WRAP53: variants seen among roughly 807,000 people sequenced by gnomAD.
The protein encoded by WRAP53 is WD repeat containing antisense to TP53, also known as telomerase Cajal body protein 1.
WRAP53 carries 28 observed loss-of-function variants against 56.6 expected under a neutral mutation model. The ratio of observed to expected loss-of-function variants is 0.50; its 90% confidence interval spans 0.37 to 0.68. WRAP53 has a LOEUF of 0.68. Among genes scored for constraint, WRAP53 ranks in the 30% least tolerant of loss-of-function variants. The probability of loss-of-function intolerance (pLI) is 0.00; values close to 1 mark genes in which losing one functional copy is unlikely to be tolerated. For missense variants in WRAP53, 671 were observed against 715.5 expected, an observed-to-expected ratio of 0.94 and a Z score of 0.71; for synonymous variants, 283 against 283.4, an observed-to-expected ratio of 1.00 and a Z score of 0.01.
Position 7,702,367 on chromosome 17 carries a change from A to T in WRAP53, c.979A>T (p.Ile327Phe). 9 of 1,614,100 alleles carry T rather than the reference A, an allele frequency of 5.6e-6. No homozygotes were observed. Among genetic ancestry groups the T allele is most frequent in the Non-Finnish European group, 7.6e-6 (9 of 1,180,026 alleles). ...AGCAAAAAAGCAGGGCCAGAGCGGC[A>T]TCATCTCCTGCATAGCCTTCAGCCC... ...TFAKKQGQSG[I>F]ISCIAFSPAQ... The change falls in exon 8 of 11, where the codon ATC (isoleucine) becomes TTC (phenylalanine). Residue 327 changes from isoleucine (I) to phenylalanine (F), a missense_variant. Transcript: ENST00000396463. This position sits in a 1 kb window ranked among gnomAD's most constrained non-coding sequence, Gnocchi z 5.0.
chr17:7,693,016 C>T (rs991881261), intron 4 of WRAP53, among the ~76,000 whole-genome samples: 1 of 151,660 alleles, frequency 6.6e-6, no homozygotes, highest in African/African-American at 2.4e-5. Flanking sequence ...GCTGGGATTA[C>T]AAGCATGAGC....
In WRAP53 at chr17:7,699,495, TATATA is replaced by T. The variant is rs1467212519; in HGVS notation, c.643-1245_643-1241del. On this transcript the variant is annotated intron_variant, in intron 4 of 10. Transcript: ENST00000396463. ...ATATATTTATATATATATATATATA[TATATA>T]TTTATATATATATATATATATTTAT... Among the ~76,000 whole-genome samples, 3 of 12,520 alleles carry T rather than the reference TATATA, an allele frequency of 2.4e-4. 1 individual carries two copies. Among genetic ancestry groups the T allele is most frequent in the Non-Finnish European group, 3.8e-4 (3 of 7,912 alleles). The allele number at this position is 12,520 out of a possible 152,430, so 8.2% of individuals were successfully genotyped here.
Position 7,689,717 on chromosome 17 carries a change from A to G in WRAP53, c.642+16A>G. ...TGCAGAAATGGTAAGGACTGGGGCT[A>G]ACTGCCTCTTCATCAATGCTGCACA... On this transcript the variant is annotated intron_variant, in intron 4 of 10. Transcript: ENST00000396463. The G allele has an allele frequency of 6.3e-7, 1 of 1,588,506 alleles. No homozygotes were observed. The highest frequency in any genetic ancestry group is 8.6e-7 in the Non-Finnish European group (1 of 1,156,936).
chr17:7,694,190 T>TAA (rs1446478803), intron 4 of WRAP53, among the ~76,000 whole-genome samples: 1 of 151,834 alleles, frequency 6.6e-6, no homozygotes. Context: ...TAAAACATTT[T>TAA]AAAAAATATA....
In WRAP53 at chr17:7,702,719, C is replaced by T. The variant is rs1283115469; in HGVS notation, c.1165-24C>T. 7.4e-6 allele frequency: 12 copies of T among 1,611,970 alleles called. No homozygotes were observed. In the Middle Eastern group the frequency reaches 1.2e-3, roughly 155 times the overall value. ...GACATCCAGGGCTTTGGGGGTGACTCCAGGTCCTGTTCCTTGTCTCCAGGA... is the reference window on the plus strand; with the variant it reads ...GACATCCAGGGCTTTGGGGGTGACTTCAGGTCCTGTTCCTTGTCTCCAGGA... On this transcript the variant is annotated intron_variant, in intron 8 of 10. Transcript: ENST00000396463. This position sits in a 1 kb window ranked among gnomAD's most constrained non-coding sequence, Gnocchi z 5.0.
chr17:7,688,507 T>C lies in WRAP53; in HGVS notation c.-56T>C. On this transcript the variant is annotated 5_prime_UTR_variant, in exon 1 of 11. Transcript: ENST00000396463. ...TTTCAAAAGAATTGGCGTCCGCTGT[T>C]CGCCTCTCCTCCCGGGAGTCTTCTG... 1.2e-6 allele frequency: 1 copy of C among 859,630 alleles called. No individual in the cohort carries two copies. The highest frequency in any genetic ancestry group is 1.8e-6 in the Non-Finnish European group (1 of 562,476). 53.3% of individuals were successfully genotyped at this position (859,630 alleles called of 1,614,324 possible). A position where few individuals can be genotyped will look rare whatever the true frequency, so the allele number is the denominator to read the frequency against.
Position 7,702,459 on chromosome 17 carries a change from C to T in WRAP53, c.1071C>T (p.Gly357=). 1 of 1,614,078 alleles carries T rather than the reference C, an allele frequency of 6.2e-7. No individual in the cohort carries two copies. Residue 357 remains glycine, a synonymous_variant, in exon 8 of 11, where the codon GGC becomes GGT. Coordinates refer to ENST00000396463, the MANE Select transcript of WRAP53 (RefSeq NM_001143992.2). The surrounding 1 kb of genome is among the most constrained non-coding windows in gnomAD (Gnocchi z 5.0). ...RSLGLYAWDD[G]SPLALLGGHQ... ...TGGGTCTGTATGCCTGGGATGATGG[C>T]TCCCCTCTCGCCTTGCTGGGAGGGC...
Position 7,688,755 on chromosome 17 carries a change from C to T in WRAP53, c.107C>T (p.Ala36Val), listed in dbSNP as rs1358040970. 2 of 1,614,024 alleles carry T rather than the reference C, an allele frequency of 1.2e-6. No homozygotes were observed. The highest frequency in any genetic ancestry group is 1.7e-6 in the Non-Finnish European group (2 of 1,180,040). The change falls in exon 2 of 11, where the codon GCG becomes GTG. Residue 36 changes from alanine (A) to valine (V), a missense_variant. Transcript: ENST00000396463. Reference protein sequence around the residue: ...SPHASPMNKNADSELMPPPPE... With the variant: ...SPHASPMNKNVDSELMPPPPE... ...CACGCTTCCCCGATGAATAAAAATGCGGACTCTGAACTGATGCCACCGCCT... is the reference window on the plus strand; with the variant it reads ...CACGCTTCCCCGATGAATAAAAATGTGGACTCTGAACTGATGCCACCGCCT...
intron 4 of WRAP53, among the ~76,000 whole-genome samples, chr17:7,696,423 C>T (rs977229412): frequency 1.3e-5 from 2 of 151,582 alleles, no homozygotes; most frequent in Non-Finnish European, 2.9e-5. Context: ...CTCAGCCTCC[C>T]GAGTAGCTGG....
chr17:7,699,513 T>TATAA (rs1555530509), intron 4 of WRAP53, among the ~76,000 whole-genome samples: 2 of 26,340 alleles, frequency 7.6e-5, no homozygotes, highest in Non-Finnish European at 1.2e-4. Context: ...TATATATATA[T>TATAA]ATATATATTT....
chr17:7,703,403 G>C lies in WRAP53; in HGVS notation c.1564G>C (p.Ala522Pro), dbSNP rs769202794. The C allele has an allele frequency of 1.2e-5, 19 of 1,611,802 alleles. No individual in the cohort carries two copies. Among genetic ancestry groups the C allele is most frequent in the African/African-American group, 2.7e-5 (2 of 74,592 alleles). ...CRLQLWWCGGAPDSSIPDDHQ... is the reference protein window; with the variant it reads ...CRLQLWWCGGPPDSSIPDDHQ... ...GCTTCAGCTCTGGTGGTGTGGGGGG[G>C]CGCCAGACTCCAGCATCCCTGATGA... The change falls in exon 11 of 11, where the codon GCG (alanine) becomes CCG (proline). Residue 522 changes from alanine (A) to proline (P), a missense_variant. By Grantham distance (27) the Ala-to-Pro change is conservative (BLOSUM62 -1). Transcript: ENST00000396463.
intron 4 of WRAP53, among the ~76,000 whole-genome samples, chr17:7,696,486 C>G (rs376343400): frequency 7.2e-5 from 11 of 151,896 alleles, no homozygotes; most frequent in African/African-American, 1.2e-4. Flanking sequence ...TTTTAGTAGA[C>G]ACGGGGTTTC....
In WRAP53 at chr17:7,688,969, A is replaced by G. The variant is rs2074062886; in HGVS notation, c.321A>G (p.Glu107=). The G allele has an allele frequency of 1.2e-6, 2 of 1,614,070 alleles. No homozygotes were observed. The highest frequency in any genetic ancestry group is 1.7e-6 in the Non-Finnish European group (2 of 1,180,062). ...CTGAAAATACAAGCCTTCCTGCAGA[A>G]GAAGCAAACGGGAGCCTTTCTGAAG... ...ELSENTSLPA[E]EANGSLSEEE... is the part of the protein sequence containing the mutation. The change falls in exon 2 of 11, where the codon GAA becomes GAG. Residue 107 remains glutamate (E), a synonymous_variant. Coordinates refer to ENST00000396463, the MANE Select transcript of WRAP53 (RefSeq NM_001143992.2).
intron 4 of WRAP53, among the ~76,000 whole-genome samples, chr17:7,692,159 A>G (rs1293467506): frequency 6.6e-6 from 1 of 150,948 alleles, no homozygotes; most frequent in Non-Finnish European, 1.5e-5. Context: ...TTAAAACAGA[A>G]GAGTGAATGG....
At chr17:7,691,331 C>G (rs990978209) in intron 4 of WRAP53, among the ~76,000 whole-genome samples, 1 of 151,168 alleles carries the variant, frequency 6.6e-6, no homozygotes, top group Non-Finnish European at 1.5e-5. Context: ...AGAGCAGCCA[C>G]GTCGTGTTGG....
In WRAP53 at chr17:7,699,496, A is replaced by ATATATATT. The variant is rs1567577485; in HGVS notation, c.643-1240_643-1239insATTTATAT. On this transcript the variant is annotated intron_variant, in intron 4 of 10. Transcript: ENST00000396463. ...TATATTTATATATATATATATATAT[A>ATATATATT]TATATTTATATATATATATATATAT... Among the ~76,000 whole-genome samples, 21 of 12,192 alleles carry ATATATATT rather than the reference A, an allele frequency of 1.7e-3. 1 individual carries two copies. The highest frequency in any genetic ancestry group is 2.8e-3 in the Non-Finnish European group (21 of 7,536). The allele number at this position is 12,192 out of a possible 152,430, so 8.0% of individuals were successfully genotyped here. A position where few individuals can be genotyped will look rare whatever the true frequency, so the allele number is the denominator to read the frequency against.
In WRAP53 at chr17:7,689,009, C is replaced by G. The variant is rs777588420; in HGVS notation, c.361C>G (p.Pro121Ala). 10 of 1,614,130 alleles carry G rather than the reference C, an allele frequency of 6.2e-6. No individual in the cohort carries two copies. In the East Asian group the frequency reaches 2.0e-4, roughly 32 times the overall value. ...GSLSEEEANG[P>A]ELGSGKAMED... ...CCTTTCTGAAGAAGAAGCGAACGGG[C>G]CAGAGTTGGGGTCTGGAAAAGCCAT... The change falls in exon 2 of 11, where the codon CCA becomes GCA. Residue 121 changes from proline (P) to alanine (A), a missense_variant. Around this residue, in one of 3 missense-constraint regions of WRAP53, gnomAD observed 406 missense variants for 418.5 expected, o/e 0.97. Transcript: ENST00000396463.
intron 4 of WRAP53, among the ~76,000 whole-genome samples, chr17:7,692,746 C>CTTTTTT (rs1177019881): frequency 3.8e-4 from 37 of 98,054 alleles, no homozygotes; most frequent in African/African-American, 6.5e-4. Flanking sequence ...GGTCATTCTC[C>CTTTTTT]TTTTTTTTTT....
chr17:7,694,054 G>A (rs1265115350), intron 4 of WRAP53, among the ~76,000 whole-genome samples: 2 of 151,948 alleles, frequency 1.3e-5, no homozygotes, highest in African/African-American at 2.4e-5. Context: ...AGGCCGAGGC[G>A]GGTGGATCAC....
Sources: gnomAD v4.1 joint callset for allele counts (sites outside exome capture counted in the v4.1 genomes callset) on GRCh38, gnomAD v4.1.1 for gene constraint, gnomAD v4.1.1 regional missense constraint, Gnocchi (gnomAD v3.1) non-coding constraint, MANE v1.5 for transcripts, NCBI Gene and HGNC (gene_info 2026-07-23, HGNC 2026-07-21) for gene names.